Variants in GRIK4 observed in about 807,000 individuals in gnomAD.
GRIK4 encodes glutamate ionotropic receptor kainate type subunit 4, also known as glutamate receptor ionotropic, kainate 4.
A neutral mutation model predicts 104.9 loss-of-function variants in GRIK4; 40 were observed. The observed-to-expected ratio is 0.38, with a 90% CI of 0.30 to 0.50. The LOEUF is 0.50. Ranked by LOEUF, GRIK4 falls within the 20% of genes least tolerant of loss-of-function variation. The pLI, the probability that GRIK4 is intolerant of heterozygous loss-of-function variation, is 0.93. For synonymous variants in GRIK4, 485 were observed against 524.9 expected (o/e 0.92, Z 1.04); for missense variants, 1,047 against 1,308.1 (o/e 0.80, Z 3.08).
chr11:120,516,424 G>A (rs370966690), intron 1 of GRIK4, among the ~76,000 whole-genome samples: 6 of 152,106 alleles, frequency 3.9e-5, no homozygotes, highest in Middle Eastern at 3.2e-3. Flanking sequence ...GGCACAGGAC[G>A]AGGCAAGTGG....
chr11:120,816,843 G>T (rs985971826), intron 5 of GRIK4, among the ~76,000 whole-genome samples: 2 of 152,016 alleles, frequency 1.3e-5, no homozygotes, highest in Non-Finnish European at 2.9e-5. Flanking sequence ...TCTTACATGG[G>T]CTGGGGCTGA....
intron 1 of GRIK4, among the ~76,000 whole-genome samples, chr11:120,633,270 G>A (rs1305837648): frequency 6.6e-6 from 1 of 152,144 alleles, no homozygotes; most frequent in Non-Finnish European, 1.5e-5. Context: ...GCCATGTCAG[G>A]CTTTCAGAGC....
At chr11:120,654,531 T>C (rs1382792578) in intron 2 of GRIK4, among the ~76,000 whole-genome samples, 1 of 152,024 alleles carries the variant, frequency 6.6e-6, no homozygotes, top group Non-Finnish European at 1.5e-5. Context: ...CCCGGCTAAC[T>C]TTTGTATTTT....
chr11:120,874,762 C>G (rs1426252165), intron 10 of GRIK4, among the ~76,000 whole-genome samples: 5 of 152,164 alleles, frequency 3.3e-5, no homozygotes, highest in Non-Finnish European at 5.9e-5. Context: ...GAGAGTCATC[C>G]TGACTTCCTG....
chr11:120,824,019 T>C (rs1176147546), intron 6 of GRIK4, among the ~76,000 whole-genome samples: 1 of 152,222 alleles, frequency 6.6e-6, no homozygotes, highest in Non-Finnish European at 1.5e-5. Flanking sequence ...GGAGACACTC[T>C]TCCATCTTCC....
chr11:120,863,349 G>A (rs904287488), intron 9 of GRIK4, among the ~76,000 whole-genome samples: 2 of 152,210 alleles, frequency 1.3e-5, no homozygotes, highest in Admixed American at 6.5e-5. Flanking sequence ...GTACAGGTTT[G>A]TAGCCTAGGA....
intron 1 of GRIK4, among the ~76,000 whole-genome samples, chr11:120,558,017 C>CAAAAAAAA (rs59960959): frequency 5.1e-5 from 2 of 39,594 alleles, no homozygotes; most frequent in Non-Finnish European, 1.1e-4. Context: ...GACTCCGTCT[C>CAAAAAAAA]AAAAAAAAAA....
At chr11:120,883,570 G>A (rs1426504805) in intron 11 of GRIK4, among the ~76,000 whole-genome samples, 1 of 152,210 alleles carries the variant, frequency 6.6e-6, no homozygotes, top group Non-Finnish European at 1.5e-5. Flanking sequence ...AACCTGAAGG[G>A]TGTTTTCTCT....
At chr11:120,573,998 G>GA (rs1369201019) in intron 1 of GRIK4, among the ~76,000 whole-genome samples, 3 of 152,210 alleles carry the variant, frequency 2.0e-5, no homozygotes, top group Non-Finnish European at 4.4e-5. Context: ...TTAGAGTCCT[G>GA]AGAGTATCTC....
chr11:120,957,684 T>C (rs916060412), intron 16 of GRIK4, among the ~76,000 whole-genome samples: 1 of 151,348 alleles, frequency 6.6e-6, no homozygotes, highest in Non-Finnish European at 1.5e-5. Context: ...AAAAATCTGC[T>C]GTGGGTTTGG....
At chr11:120,589,663 C>T (rs1948711771) in intron 1 of GRIK4, among the ~76,000 whole-genome samples, 1 of 152,164 alleles carries the variant, frequency 6.6e-6, no homozygotes, top group South Asian at 2.1e-4. Flanking sequence ...TAAGGGAACC[C>T]AGAAAGCAAA....
chr11:120,822,449 G>A (rs895922548), intron 6 of GRIK4, among the ~76,000 whole-genome samples: 3 of 152,154 alleles, frequency 2.0e-5, no homozygotes, highest in Admixed American at 2.0e-4. Context: ...ACAGTCCAGT[G>A]CACCATCGTC....
chr11:120,811,407 G>A (rs901236233), intron 4 of GRIK4, among the ~76,000 whole-genome samples: 5 of 152,294 alleles, frequency 3.3e-5, no homozygotes, highest in East Asian at 3.9e-4. Flanking sequence ...TTAAGGGGCC[G>A]GTCTTTGGGG....
chr11:120,836,675 C>A, intron 7 of GRIK4, 116 bp from the exon 8 acceptor site: 1 of 743,222 alleles, frequency 1.3e-6, no homozygotes, highest in Non-Finnish European at 2.5e-6. Flanking sequence ...TTCTGTTCTG[C>A]CTGGTGCCAA....
chr11:120,785,532 G>T (rs1565350704), intron 3 of GRIK4, among the ~76,000 whole-genome samples: 1 of 152,222 alleles, frequency 6.6e-6, no homozygotes, highest in Non-Finnish European at 1.5e-5. Flanking sequence ...TGTTCCAGGG[G>T]TCATGTTCTT....
chr11:120,628,577 G>A (rs1275297162), intron 1 of GRIK4, among the ~76,000 whole-genome samples: 4 of 152,216 alleles, frequency 2.6e-5, no homozygotes, highest in African/African-American at 4.8e-5. Context: ...GGATAGCCAT[G>A]GAAAGGTTGA....
intron 12 of GRIK4, among the ~76,000 whole-genome samples, chr11:120,904,966 T>C (rs1942833240): frequency 6.6e-6 from 1 of 152,092 alleles, no homozygotes. Flanking sequence ...CTGCCTGGAA[T>C]AAAGCAGGGG....
chr11:120,708,480 C>T (rs544329887), intron 3 of GRIK4, among the ~76,000 whole-genome samples: 84 of 152,238 alleles, frequency 5.5e-4, no homozygotes, highest in South Asian at 2.5e-3. Context: ...AGAGACGGGG[C>T]TGAGTGTGGG....
chr11:120,853,991 G>T (rs1954041198), intron 8 of GRIK4, among the ~76,000 whole-genome samples: 1 of 152,072 alleles, frequency 6.6e-6, no homozygotes, highest in Non-Finnish European at 1.5e-5. Context: ...TTAACTCCTG[G>T]GCACCTCAGT....
Sources: allele counts gnomAD v4.1 joint callset (sites outside exome capture counted in the v4.1 genomes callset), GRCh38; gene constraint gnomAD v4.1.1; transcripts MANE v1.5; gene names NCBI Gene and HGNC (gene_info 2026-07-23, HGNC 2026-07-21).